The following ADGRB3 variants were observed in gnomAD, a reference collection of about 807,000 sequenced individuals.
ADGRB3 encodes brain-specific angiogenesis inhibitor 3.
Under a neutral mutation model 193.4 loss-of-function variants are expected in ADGRB3, and 37 were observed. The ratio of observed to expected loss-of-function variants is 0.19; its 90% CI spans 0.15 to 0.25. ADGRB3 has a LOEUF of 0.25. ADGRB3 is among the 10% of genes least tolerant of loss of function. ADGRB3 has a pLI of 1.00. For missense variants in ADGRB3, 1,637 were observed against 1,852.9 expected (o/e 0.88, Z 2.14); for synonymous variants, 690 against 644.2 (o/e 1.07, Z -1.08).
intron 13 of ADGRB3, among the ~76,000 whole-genome samples, chr6:69,033,513 A>G (rs1408818652): frequency 6.6e-6 from 1 of 152,172 alleles, no homozygotes; most frequent in African/African-American, 2.4e-5. Context: ...ATAGTCAAAA[A>G]TATTTTCATT....
intron 3 of ADGRB3, among the ~76,000 whole-genome samples, chr6:68,699,248 G>A (rs1765203503): frequency 1.3e-5 from 2 of 151,874 alleles, no homozygotes; most frequent in Admixed American, 1.3e-4. Flanking sequence ...TGACCAGATG[G>A]GTGCATCTAT....
At chr6:69,043,767 A>G (rs904599891) in intron 13 of ADGRB3, among the ~76,000 whole-genome samples, 3 of 152,240 alleles carry the variant, frequency 2.0e-5, no homozygotes, top group Non-Finnish European at 2.9e-5. Context: ...ATTGAGACAC[A>G]GAGAGTTTAG....
intron 3 of ADGRB3, among the ~76,000 whole-genome samples, chr6:68,649,453 G>T (rs550438399): frequency 2.0e-5 from 3 of 152,154 alleles, no homozygotes; most frequent in Admixed American, 1.3e-4. Flanking sequence ...GACATTGTCT[G>T]ATTGACATAC....
chr6:68,771,366 A>AT (rs1181146739), intron 3 of ADGRB3, among the ~76,000 whole-genome samples: 2 of 148,048 alleles, frequency 1.4e-5, no homozygotes, highest in Non-Finnish European at 3.0e-5. Flanking sequence ...AGACCATGCT[A>AT]TGTGTGCTAG....
intron 13 of ADGRB3, among the ~76,000 whole-genome samples, chr6:69,040,080 A>C (rs762772881): frequency 2.0e-5 from 3 of 152,088 alleles, no homozygotes; most frequent in Non-Finnish European, 4.4e-5. Flanking sequence ...ATATATGAGG[A>C]TCAATAATGA....
At chr6:68,892,355 A>G (rs1472068955) in intron 3 of ADGRB3, among the ~76,000 whole-genome samples, 1 of 152,088 alleles carries the variant, frequency 6.6e-6, no homozygotes, top group East Asian at 1.9e-4. Context: ...AGTTTCCCCA[A>G]CAGGCTGAAC....
intron 17 of ADGRB3, among the ~76,000 whole-genome samples, chr6:69,126,630 T>C (rs1163906412): frequency 6.6e-6 from 1 of 152,206 alleles, no homozygotes; most frequent in Non-Finnish European, 1.5e-5. Context: ...CCTGCCAACA[T>C]TGGAGGAGGG....
At chr6:68,665,263 G>A (rs1768773412) in intron 3 of ADGRB3, among the ~76,000 whole-genome samples, 1 of 151,768 alleles carries the variant, frequency 6.6e-6, no homozygotes, top group Non-Finnish European at 1.5e-5. Flanking sequence ...TGTAGGTTCT[G>A]TAGTTTGTGT....
intron 17 of ADGRB3, among the ~76,000 whole-genome samples, chr6:69,129,510 A>T (rs189710805): frequency 3.3e-5 from 5 of 152,310 alleles, no homozygotes; most frequent in Non-Finnish European, 5.9e-5. Context: ...TTGGAAGAAG[A>T]GGGTGTTACA....
At position 68,799,290 on chromosome 6, in the gene ADGRB3, A is replaced by G. The variant is rs547057821; in HGVS notation, c.758-131269A>G. 2.0e-5 allele frequency among the ~76,000 whole-genome samples: 3 copies of G among 152,298 alleles called. No homozygotes were observed. The East Asian group carries it at 5.8e-4, about 29-fold the overall frequency. On this transcript the variant is annotated intron_variant, in intron 3 of 31. Transcript: ENST00000370598. The stretch of plus-strand genomic sequence containing the variant: ...TTAGGAGGGAGAAACACTAAAAGTT[A>G]TTGGCTCATTGGATTTGAGTAGTGA...
At chr6:69,222,571 C>T (rs1350003624) in intron 17 of ADGRB3, among the ~76,000 whole-genome samples, 1 of 152,030 alleles carries the variant, frequency 6.6e-6, no homozygotes, top group African/African-American at 2.4e-5. Flanking sequence ...TTTCATAGAT[C>T]ATATAGATCA....
intron 15 of ADGRB3, among the ~76,000 whole-genome samples, chr6:69,051,114 T>A (rs1771379411): frequency 6.6e-6 from 1 of 152,110 alleles, no homozygotes; most frequent in Admixed American, 6.5e-5. Context: ...TTAATTAGTG[T>A]TTCAACTTAA....
Position 68,872,310 on chromosome 6 carries a change from T to A in ADGRB3, c.758-58249T>A, listed in dbSNP as rs79986423. ...TACTGTGTAGTGACTTGGCTACCTG[T>A]TGTATTTATTTTACATAATGCAATA... On this transcript the variant is annotated intron_variant, in intron 3 of 31. Coordinates refer to ENST00000370598, the MANE Select transcript of ADGRB3 (RefSeq NM_001704.3). Among the ~76,000 whole-genome samples the A allele has an allele frequency of 4.4e-4, 67 of 152,250 alleles. 1 individual carries two copies. The East Asian group carries it at 0.012, about 27-fold the overall frequency.
chr6:68,661,002 A>T (rs529424914), intron 3 of ADGRB3, among the ~76,000 whole-genome samples: 1 of 150,646 alleles, frequency 6.6e-6, no homozygotes, highest in Admixed American at 6.7e-5. Context: ...TTATAAATAT[A>T]TAATTACTAA....
intron 13 of ADGRB3, among the ~76,000 whole-genome samples, chr6:69,023,492 G>A (rs543407152): frequency 6.6e-6 from 1 of 152,196 alleles, no homozygotes; most frequent in East Asian, 1.9e-4. Flanking sequence ...TAGCAAAGAT[G>A]ATATAGAGAT....
chr6:69,357,464 A>T (rs943034294), intron 28 of ADGRB3, among the ~76,000 whole-genome samples: 1 of 151,974 alleles, frequency 6.6e-6, no homozygotes, highest in Non-Finnish European at 1.5e-5. Context: ...TTATAAGACT[A>T]CCTTCTAAGT....
intron 17 of ADGRB3, among the ~76,000 whole-genome samples, chr6:69,140,442 T>C (rs1315990285): frequency 6.6e-6 from 1 of 152,160 alleles, no homozygotes; most frequent in African/African-American, 2.4e-5. Flanking sequence ...TTAAAACAAT[T>C]GAACTCATGA....
At chr6:68,645,203 A>T (rs1046690631) in intron 3 of ADGRB3, among the ~76,000 whole-genome samples, 1 of 152,112 alleles carries the variant, frequency 6.6e-6, no homozygotes, top group Non-Finnish European at 1.5e-5. Flanking sequence ...GGGTTTTAAG[A>T]TCATGAACCA....
chr6:68,728,907 A>T (rs1053378635), intron 3 of ADGRB3, among the ~76,000 whole-genome samples: 1 of 151,570 alleles, frequency 6.6e-6, no homozygotes, highest in African/African-American at 2.4e-5. Context: ...CTGTATATTT[A>T]TCAGAAGTTC....
Sources: gnomAD v4.1 joint callset for allele counts (sites outside exome capture counted in the v4.1 genomes callset) on GRCh38, gnomAD v4.1.1 for gene constraint, MANE v1.5 for transcripts, NCBI Gene and HGNC (gene_info 2026-07-23, HGNC 2026-07-21) for gene names.